Variants in PRR16 observed in about 807,000 individuals in gnomAD.
PRR16 encodes the protein proline rich 16.
PRR16 carries 6 observed loss-of-function variants against 18.2 expected under a neutral mutation model. The ratio of observed to expected loss-of-function variants is 0.33; its 90% confidence interval spans 0.18 to 0.65. The LOEUF is 0.65. Ranked by LOEUF, PRR16 falls within the 30% of genes least tolerant of loss-of-function variation. PRR16 has a pLI of 0.74. For missense variants in PRR16, 412 were observed against 376.6 expected, an observed-to-expected ratio of 1.09 and a Z score of -0.78; for synonymous variants, 151 against 147.8, an observed-to-expected ratio of 1.02 and a Z score of -0.16.
intron 1 of PRR16, among the ~76,000 whole-genome samples, chr5:120,569,843 G>A (rs536037207): frequency 1.3e-5 from 2 of 152,148 alleles, no homozygotes; most frequent in South Asian, 4.2e-4. Context: ...TCTGAGTAAA[G>A]GGTTGATATA....
At chr5:120,679,598 TGAAA>T (rs1416452193) in intron 1 of PRR16, among the ~76,000 whole-genome samples, 1 of 152,206 alleles carries the variant, frequency 6.6e-6, no homozygotes, top group Non-Finnish European at 1.5e-5. Flanking sequence ...ACATAGCATC[TGAAA>T]GATTTACTTA....
intron 1 of PRR16, among the ~76,000 whole-genome samples, chr5:120,529,389 A>G (rs1026200298): frequency 6.6e-6 from 1 of 152,170 alleles, no homozygotes; most frequent in African/African-American, 2.4e-5. Flanking sequence ...TGACAACTCA[A>G]ATCATGTTTT....
At chr5:120,790,676 C>G in the PRR16 span, 1 of 152,144 alleles carries the variant, frequency 6.6e-6, no homozygotes, top group Admixed American at 6.6e-5. Context: ...TTACTGATTA[C>G]TTCTCAGTGA....
the PRR16 span, among the ~76,000 whole-genome samples, chr5:120,737,224 C>T: frequency 1.3e-5 from 2 of 150,868 alleles, no homozygotes; most frequent in Admixed American, 1.3e-4. Context: ...AGTCTTTCGC[C>T]ATTGAGTATG....
chr5:120,513,948 C>T (rs1009093003), intron 1 of PRR16, among the ~76,000 whole-genome samples: 5 of 151,822 alleles, frequency 3.3e-5, no homozygotes, highest in South Asian at 2.1e-4. Context: ...TTAGTAGAGA[C>T]GGAGTTTCAC....
chr5:120,656,290 T>C (rs1192213068), intron 1 of PRR16, among the ~76,000 whole-genome samples: 2 of 151,854 alleles, frequency 1.3e-5, no homozygotes, highest in African/African-American at 4.8e-5. Flanking sequence ...AGCTAACTTA[T>C]AATATCTTTG....
the PRR16 span, among the ~76,000 whole-genome samples, chr5:120,771,506 A>G: frequency 6.6e-6 from 1 of 152,126 alleles, no homozygotes; most frequent in Non-Finnish European, 1.5e-5. Context: ...AGGCCACTAT[A>G]CAATCGAGAG....
the PRR16 span, among the ~76,000 whole-genome samples, chr5:120,757,399 C>T: frequency 1.3e-5 from 2 of 152,096 alleles, no homozygotes; most frequent in South Asian, 2.1e-4. Context: ...CTGTAGATTG[C>T]TTTGGGCATT....
chr5:120,660,082 G>A (rs557743278), intron 1 of PRR16, among the ~76,000 whole-genome samples: 12 of 151,890 alleles, frequency 7.9e-5, no homozygotes, highest in South Asian at 2.1e-4. Flanking sequence ...AGAGTGTTTC[G>A]TTACTAAACT....
intron 1 of PRR16, among the ~76,000 whole-genome samples, chr5:120,588,028 T>G (rs1317711864): frequency 6.6e-6 from 1 of 152,156 alleles, no homozygotes. Context: ...CTTTGAGAGG[T>G]TAAAGACTTC....
intron 1 of PRR16, among the ~76,000 whole-genome samples, chr5:120,608,613 A>T (rs917699558): frequency 8.5e-5 from 13 of 152,224 alleles, no homozygotes; most frequent in African/African-American, 3.1e-4. Context: ...ATACCAAATA[A>T]ATGATTTAAA....
intron 1 of PRR16, among the ~76,000 whole-genome samples, chr5:120,594,645 C>T (rs1307913559): frequency 6.6e-6 from 1 of 151,898 alleles, no homozygotes; most frequent in East Asian, 1.9e-4. Context: ...AGCCCTAATA[C>T]CCAAGGCAAT....
the PRR16 span, among the ~76,000 whole-genome samples, chr5:120,735,472 A>C: frequency 1.3e-5 from 2 of 152,198 alleles, no homozygotes; most frequent in South Asian, 4.1e-4. Flanking sequence ...ATCCTTACCC[A>C]TATTTGTTAT....
At chr5:120,506,966 GA>G (rs1750665779) in intron 1 of PRR16, among the ~76,000 whole-genome samples, 1 of 152,106 alleles carries the variant, frequency 6.6e-6, no homozygotes, top group Non-Finnish European at 1.5e-5. Flanking sequence ...CTCAATAGAA[GA>G]AGGCAAGGCA....
At chr5:120,559,361 A>G (rs753818411) in intron 1 of PRR16, among the ~76,000 whole-genome samples, 2 of 151,914 alleles carry the variant, frequency 1.3e-5, no homozygotes, top group South Asian at 2.1e-4. Flanking sequence ...TTCATTCAGC[A>G]TATAGATATC....
At chr5:120,513,873 C>G (rs953650818) in intron 1 of PRR16, among the ~76,000 whole-genome samples, 1 of 151,924 alleles carries the variant, frequency 6.6e-6, no homozygotes, top group African/African-American at 2.4e-5. Context: ...ATTCTCCTGC[C>G]TCAGCCTCCC....
chr5:120,721,273 A>T, the PRR16 span, among the ~76,000 whole-genome samples: 1 of 152,090 alleles, frequency 6.6e-6, no homozygotes, highest in African/African-American at 2.4e-5. Context: ...AGGGGGAAAC[A>T]TAATCAATTA....
intron 1 of PRR16, among the ~76,000 whole-genome samples, chr5:120,501,995 T>TAGTATAAA (rs1326875178): frequency 7.0e-6 from 1 of 142,290 alleles, no homozygotes; most frequent in African/African-American, 2.6e-5. Flanking sequence ...AAGAAATAGC[T>TAGTATAAA]AGTATAAAAA....
At chr5:120,489,833 T>G (rs979542563) in intron 1 of PRR16, among the ~76,000 whole-genome samples, 13 of 152,182 alleles carry the variant, frequency 8.5e-5, no homozygotes, top group African/African-American at 2.9e-4. Context: ...AGGAGCTCTT[T>G]TAGGGCAGGC....
Sources: gnomAD v4.1 joint callset for allele counts (sites outside exome capture counted in the v4.1 genomes callset) on GRCh38, gnomAD v4.1.1 for gene constraint, MANE v1.5 for transcripts, NCBI Gene and HGNC (gene_info 2026-07-23, HGNC 2026-07-21) for gene names.